MITF: variants seen among roughly 807,000 people sequenced by gnomAD.
The protein encoded by MITF is melanocyte inducing transcription factor.
Under a neutral mutation model 60.5 loss-of-function variants are expected in MITF, and 17 were observed. The ratio of observed to expected loss-of-function variants is 0.28; its 90% CI spans 0.19 to 0.42. The LOEUF is 0.42. Ranked by LOEUF, MITF falls within the 10% of genes least tolerant of loss-of-function variation. MITF has a pLI of 1.00. For synonymous variants in MITF, 260 were observed against 248.5 expected, an observed-to-expected ratio of 1.05 and a Z score of -0.43; for missense variants, 622 against 683.5, an observed-to-expected ratio of 0.91 and a Z score of 1.00.
chr3:69,949,307 T>C, intron 6 of MITF, 139 bp downstream of exon 6: 2 of 664,970 alleles, frequency 3.0e-6, no homozygotes, highest in South Asian at 3.4e-5. Context: ...GGTTAAAACA[T>C]TATGCAATAT....
At chr3:69,881,176 C>T (rs975395393) in intron 2 of MITF, among the ~76,000 whole-genome samples, 3 of 151,908 alleles carry the variant, frequency 2.0e-5, no homozygotes, top group African/African-American at 7.2e-5. Flanking sequence ...GAGCTACAAC[C>T]CCTAACTTAT....
Position 69,967,422 on chromosome 3 carries a change from A to C in MITF, c.*2174A>C, listed in dbSNP as rs1199660754. On this transcript the variant is annotated 3_prime_UTR_variant, in exon 10 of 10. Transcript: ENST00000352241. ...ATATGGGGGGGAGGGCGCTGGATGCAAAAGTTGAAGATCGTGATGCTATGA... is the reference window on the plus strand; with the variant it reads ...ATATGGGGGGGAGGGCGCTGGATGCCAAAGTTGAAGATCGTGATGCTATGA... 1.7e-5 allele frequency: 4 copies of C among 233,166 alleles called. No homozygotes were observed. The highest frequency in any genetic ancestry group is 1.1e-4 in the Admixed American group (2 of 17,746). 14.4% of individuals were successfully genotyped at this position (233,166 alleles called of 1,614,324 possible). A position where few individuals can be genotyped will look rare whatever the true frequency, so the allele number is the denominator to read the frequency against.
intron 2 of MITF, among the ~76,000 whole-genome samples, chr3:69,929,204 G>T (rs1165648141): frequency 6.6e-6 from 1 of 152,118 alleles, no homozygotes; most frequent in African/African-American, 2.4e-5. Flanking sequence ...AGCCACAGTG[G>T]TTCCACACTG....
chr3:69,938,875 CT>C (rs1055787418), intron 3 of MITF: 13 of 1,442,074 alleles, frequency 9.0e-6, no homozygotes, highest in South Asian at 9.0e-5. Flanking sequence ...ATCTTTGCCC[CT>C]ATGCCCAAAC....
chr3:69,821,885 G>A (rs1183553214), intron 1 of MITF, among the ~76,000 whole-genome samples: 1 of 152,086 alleles, frequency 6.6e-6, no homozygotes, highest in Admixed American at 6.6e-5. Flanking sequence ...TGGGATTACA[G>A]GCACATGCCA....
intron 2 of MITF, among the ~76,000 whole-genome samples, chr3:69,931,108 T>G (rs2065713344): frequency 6.6e-6 from 1 of 152,216 alleles, no homozygotes; most frequent in African/African-American, 2.4e-5. Flanking sequence ...TCTTTCTTAC[T>G]TTTACTTTGA....
intron 2 of MITF, among the ~76,000 whole-genome samples, chr3:69,919,204 T>A (rs952751216): frequency 9.9e-5 from 15 of 152,212 alleles, no homozygotes; most frequent in African/African-American, 3.4e-4. Flanking sequence ...GAAGCTTCAG[T>A]TTGGCGATTG....
chr3:69,867,119 AAGT>A (rs1403647316), intron 1 of MITF, among the ~76,000 whole-genome samples: 1 of 152,152 alleles, frequency 6.6e-6, no homozygotes, highest in East Asian at 1.9e-4. Flanking sequence ...CTGTGTCCCC[AAGT>A]GAATAGGCAT....
chr3:69,747,725 C>G (rs1261862586), intron 1 of MITF, among the ~76,000 whole-genome samples: 1 of 152,146 alleles, frequency 6.6e-6, no homozygotes, highest in Non-Finnish European at 1.5e-5. Context: ...TAAACCTAAC[C>G]CTGGACTAAA....
At chr3:69,771,590 C>T (rs189117730) in intron 1 of MITF, among the ~76,000 whole-genome samples, 1 of 152,312 alleles carries the variant, frequency 6.6e-6, no homozygotes, top group East Asian at 1.9e-4. Context: ...CTATAGCCCT[C>T]TTAAATTTAG....
intron 2 of MITF, among the ~76,000 whole-genome samples, chr3:69,915,385 GCATAATAAAAATGAATCATAC>G (rs1225254125): frequency 1.3e-5 from 2 of 151,798 alleles, no homozygotes; most frequent in Non-Finnish European, 2.9e-5. Context: ...TATATCATAA[GCATAATAAAAATGAATCATAC>G]CACACAATTC....
chr3:69,914,574 G>T (rs2065293597), intron 2 of MITF, among the ~76,000 whole-genome samples: 1 of 152,154 alleles, frequency 6.6e-6, no homozygotes, highest in South Asian at 2.1e-4. Context: ...TCTGGCTTGG[G>T]ATACTTCATC....
rs1019591474 is a variant in MITF at position 69,937,585 on chromosome 3, G to A, written c.355-237G>A. 8.5e-5 allele frequency among the ~76,000 whole-genome samples: 13 copies of A among 152,226 alleles called. 1 individual carries two copies. Among genetic ancestry groups the A allele is most frequent in the East Asian group, 1.9e-4 (1 of 5,176 alleles). ...GAAGGATACAAGGTTTGAAAGAGACGTATAGTTAATTAGCAGGGAAATAAA... is the reference window on the plus strand; with the variant it reads ...GAAGGATACAAGGTTTGAAAGAGACATATAGTTAATTAGCAGGGAAATAAA... On this transcript the variant is annotated intron_variant, in intron 2 of 9. Coordinates refer to ENST00000352241, the MANE Select transcript of MITF (RefSeq NM_001354604.2).
At position 69,965,254 on chromosome 3, in the gene MITF, C is replaced by T. The variant is rs771410766; in HGVS notation, c.*6C>T. On this transcript the variant is annotated 3_prime_UTR_variant, in exon 10 of 10. Coordinates refer to ENST00000352241, the MANE Select transcript of MITF (RefSeq NM_001354604.2). ...AGACGGAGCACACTTGTTAGCGAATCCTCCCTGCACTGCATTCGCACAAAC... is the reference window on the plus strand; with the variant it reads ...AGACGGAGCACACTTGTTAGCGAATTCTCCCTGCACTGCATTCGCACAAAC... 1.2e-6 allele frequency: 2 copies of T among 1,612,500 alleles called. No homozygotes were observed. Among genetic ancestry groups the T allele is most frequent in the Non-Finnish European group, 1.7e-6 (2 of 1,178,710 alleles).
intron 1 of MITF, among the ~76,000 whole-genome samples, chr3:69,851,741 C>T (rs2063827637): frequency 6.6e-6 from 1 of 152,048 alleles, no homozygotes; most frequent in South Asian, 2.1e-4. Flanking sequence ...CTGGTGGTGA[C>T]ATGGCTCTGT....
intron 1 of MITF, among the ~76,000 whole-genome samples, chr3:69,843,286 A>G (rs796914038): frequency 2.6e-5 from 4 of 152,326 alleles, no homozygotes; most frequent in African/African-American, 9.6e-5. Context: ...CAATATTGAA[A>G]GAAGGCGTGA....
intron 9 of MITF, among the ~76,000 whole-genome samples, chr3:69,962,567 T>C (rs888380193): frequency 6.6e-6 from 1 of 152,106 alleles, no homozygotes; most frequent in Non-Finnish European, 1.5e-5. Context: ...ATATGGAGAG[T>C]CCTTCCCCTC....
At chr3:69,875,328 C>T (rs2064329063) in intron 1 of MITF, among the ~76,000 whole-genome samples, 1 of 152,174 alleles carries the variant, frequency 6.6e-6, no homozygotes, top group Non-Finnish European at 1.5e-5. Context: ...GAGATGCCCA[C>T]CTTCCCATGT....
intron 5 of MITF, among the ~76,000 whole-genome samples, chr3:69,941,709 A>G (rs920563879): frequency 6.6e-6 from 1 of 152,182 alleles, no homozygotes; most frequent in Admixed American, 6.5e-5. Context: ...CAGTTTTTCA[A>G]GAAGGTTTTC....
Sources: allele counts gnomAD v4.1 joint callset (sites outside exome capture counted in the v4.1 genomes callset), GRCh38; gene constraint gnomAD v4.1.1; transcripts MANE v1.5; gene names NCBI Gene and HGNC (gene_info 2026-07-23, HGNC 2026-07-21).